The following SLC18A2 variants were observed in gnomAD, a reference collection of about 807,000 sequenced individuals.
SLC18A2 encodes synaptic vesicular amine transporter.
SLC18A2 carries 33 observed loss-of-function variants against 59.2 expected under a neutral mutation model. That is an observed-to-expected ratio of 0.56 (90% confidence interval 0.42 to 0.75). The LOEUF (loss-of-function observed/expected upper bound fraction) is 0.75. Ranked by LOEUF, SLC18A2 falls within the 30% of genes least tolerant of loss-of-function variation. The pLI is 0.00. For synonymous variants in SLC18A2, 228 were observed against 253.5 expected (o/e 0.90, Z 0.95); for missense variants, 569 against 668.6 (o/e 0.85, Z 1.64).
intron 10 of SLC18A2, among the ~76,000 whole-genome samples, chr10:117,264,017 G>C (rs1844321839): frequency 6.6e-6 from 1 of 152,190 alleles, no homozygotes; most frequent in South Asian, 2.1e-4. Context: ...GGGTCATCTT[G>C]AGCTTGGAGG....
chr10:117,266,980 G>A lies in SLC18A2; in HGVS notation c.1071-4G>A, dbSNP rs751549114. The A allele has an allele frequency of 5.3e-5, 86 of 1,612,068 alleles. 1 individual carries two copies. In the East Asian group the frequency reaches 1.3e-3, roughly 25 times the overall value. Reference sequence around the variant, plus strand: ...TTTCTTGATGGTGCTTTTTCTTTTGGTAGGTGGCTTTGTGCTCTTCTGGGA... The same window carrying A: ...TTTCTTGATGGTGCTTTTTCTTTTGATAGGTGGCTTTGTGCTCTTCTGGGA... On this transcript the variant is annotated splice_region_variant and splice_polypyrimidine_tract_variant and intron_variant, in intron 11 of 15. Coordinates refer to ENST00000644641, the MANE Select transcript of SLC18A2 (RefSeq NM_003054.6).
At chr10:117,277,134 A>T in intron 15 of SLC18A2, 28 bp from the exon 16 acceptor site, 1 of 1,220,056 alleles carries the variant, frequency 8.2e-7, no homozygotes, top group Non-Finnish European at 1.2e-6. Flanking sequence ...ACAAGAAGTT[A>T]ATATACTTGC....
chr10:117,255,240 G>T, intron 6 of SLC18A2, 37 bp from the exon 7 acceptor site: 5 of 1,572,988 alleles, frequency 3.2e-6, no homozygotes, highest in Non-Finnish European at 4.4e-6. Context: ...GAGGGCATGT[G>T]TCCCAGGGGT....
chr10:117,268,826 ATG>A (rs144528427), intron 13 of SLC18A2, among the ~76,000 whole-genome samples: 109 of 150,854 alleles, frequency 7.2e-4, no homozygotes, highest in East Asian at 3.7e-3. Context: ...ATGTATGTTT[ATG>A]TGTGTGTGTG....
intron 2 of SLC18A2, 25 bp downstream of exon 2, chr10:117,241,839 C>T (rs950182267): frequency 3.0e-5 from 47 of 1,590,324 alleles, no homozygotes; most frequent in Admixed American, 1.0e-4. Flanking sequence ...GGCACCCCTG[C>T]CCCGGCACCC....
At chr10:117,258,859 C>T (rs565026509) in intron 10 of SLC18A2, among the ~76,000 whole-genome samples, 24 of 151,728 alleles carry the variant, frequency 1.6e-4, no homozygotes, top group Non-Finnish European at 2.6e-4. Context: ...CTCTGCCTCC[C>T]GGGTTCAAGC....
intron 15 of SLC18A2, among the ~76,000 whole-genome samples, chr10:117,271,232 T>C (rs2133745664): frequency 6.6e-6 from 1 of 152,078 alleles, no homozygotes; most frequent in East Asian, 1.9e-4. Context: ...GAAAGGAGAG[T>C]GTCTTGGATT....
At chr10:117,264,697 T>C (rs1055145848) in intron 10 of SLC18A2, among the ~76,000 whole-genome samples, 2 of 152,200 alleles carry the variant, frequency 1.3e-5, no homozygotes, top group African/African-American at 4.8e-5. Flanking sequence ...TGCACTGTTA[T>C]TTCTGCTTGC....
intron 15 of SLC18A2, among the ~76,000 whole-genome samples, chr10:117,271,335 G>A (rs1027710750): frequency 6.6e-6 from 1 of 152,178 alleles, no homozygotes; most frequent in African/African-American, 2.4e-5. Context: ...TACATCAGAA[G>A]GTCTTTCTGA....
chr10:117,274,123 G>A (rs1844457885), intron 15 of SLC18A2, among the ~76,000 whole-genome samples: 2 of 152,202 alleles, frequency 1.3e-5, no homozygotes, highest in South Asian at 2.1e-4. Context: ...TGGCACTTTT[G>A]AAACATTACA....
chr10:117,255,691 T>C, intron 9 of SLC18A2, 34 bp downstream of exon 9: 3 of 1,600,448 alleles, frequency 1.9e-6, no homozygotes, highest in East Asian at 2.2e-5. Flanking sequence ...GTCAGGGGAA[T>C]GCGAGGTGAT....
intron 6 of SLC18A2, 34 bp downstream of exon 6, chr10:117,254,531 G>A: frequency 1.3e-6 from 2 of 1,507,794 alleles, no homozygotes; most frequent in Non-Finnish European, 1.8e-6. Context: ...AAACTGGCAA[G>A]AGGGGCCTGC....
At chr10:117,272,025 C>T (rs1375696093) in intron 15 of SLC18A2, among the ~76,000 whole-genome samples, 1 of 152,174 alleles carries the variant, frequency 6.6e-6, no homozygotes, top group Non-Finnish European at 1.5e-5. Flanking sequence ...ATAGTTAGGG[C>T]TAGCATGGGC....
At chr10:117,261,428 T>C (rs887776396) in intron 10 of SLC18A2, among the ~76,000 whole-genome samples, 4 of 152,152 alleles carry the variant, frequency 2.6e-5, no homozygotes, top group African/African-American at 9.7e-5. Flanking sequence ...CCTTTTTCTT[T>C]AAGAATTTAT....
chr10:117,244,913 G>T (rs1844095644), intron 3 of SLC18A2, among the ~76,000 whole-genome samples: 2 of 152,252 alleles, frequency 1.3e-5, no homozygotes, highest in Non-Finnish European at 2.9e-5. Flanking sequence ...GAAAGGAAGA[G>T]AACTGAGGCT....
At chr10:117,246,469 G>T (rs899641416) in intron 3 of SLC18A2, among the ~76,000 whole-genome samples, 1 of 152,116 alleles carries the variant, frequency 6.6e-6, no homozygotes, top group Non-Finnish European at 1.5e-5. Context: ...GCTCATGTTT[G>T]GGACTTCAAA....
At chr10:117,272,173 C>A (rs1844435430) in intron 15 of SLC18A2, among the ~76,000 whole-genome samples, 1 of 152,062 alleles carries the variant, frequency 6.6e-6, no homozygotes, top group African/African-American at 2.4e-5. Context: ...AGTGACTGGC[C>A]CTGTGGCTCA....
At chr10:117,266,933 C>A in intron 11 of SLC18A2, 51 bp from the exon 12 acceptor site, 1 of 1,590,690 alleles carries the variant, frequency 6.3e-7, no homozygotes, top group Admixed American at 1.7e-5. Flanking sequence ...AAAATTTGGA[C>A]TAGAAAAAAA....
Position 117,270,118 on chromosome 10 carries a change from C to T in SLC18A2, c.1234C>T (p.Leu412=). The T allele has an allele frequency of 6.2e-7, 1 of 1,614,200 alleles. No homozygotes were observed. The highest frequency in any genetic ancestry group is 8.5e-7 in the Non-Finnish European group (1 of 1,180,040). The change falls in exon 14 of 16, where the codon CTG becomes TTG. Residue 412 remains leucine, a synonymous_variant. Coordinates refer to ENST00000644641, the MANE Select transcript of SLC18A2 (RefSeq NM_003054.6). ...MMPIMGYLVD[L]RHVSVYGSVY... ...GCCTATCATGGGCTACCTCGTAGAC[C>T]TGCGGCACGTGTCCGTCTATGGGAG...
Sources: allele counts gnomAD v4.1 joint callset (sites outside exome capture counted in the v4.1 genomes callset), GRCh38; gene constraint gnomAD v4.1.1; transcripts MANE v1.5; gene names NCBI Gene and HGNC (gene_info 2026-07-23, HGNC 2026-07-21).